GPC5: variants seen among roughly 807,000 people sequenced by gnomAD.
GPC5 encodes glypican 5.
A neutral mutation model predicts 53.9 loss-of-function variants in GPC5; 47 were observed. The observed-to-expected ratio is 0.87, with a 90% CI of 0.69 to 1.11. The LOEUF (loss-of-function observed/expected upper bound fraction) is 1.11, where lower values mean the gene tolerates loss of function less well. Ranked by LOEUF, GPC5 falls within the 50% of genes most tolerant of loss-of-function variation. GPC5 has a pLI of 0.00. For synonymous variants in GPC5, 286 were observed against 263.3 expected (o/e 1.09, Z -0.84); for missense variants, 748 against 713.1 (o/e 1.05, Z -0.56).
At position 91,950,269 on chromosome 13, in the gene GPC5, T is replaced by TG. The variant is rs1396706258; in HGVS notation, c.1401+42212_1401+42213insG. Among the ~76,000 whole-genome samples the TG allele has an allele frequency of 2.8e-5, 4 of 144,012 alleles. No individual in the cohort carries two copies. The South Asian group carries it at 8.5e-4, about 31-fold the overall frequency. 94.5% of individuals were successfully genotyped at this position (144,012 alleles called of 152,430 possible). On this transcript the variant is annotated intron_variant, in intron 6 of 7. Transcript: ENST00000377067. The stretch of plus-strand genomic sequence containing the variant: ...TGAATTTTACTAAAACTGCCAAGTT[T>TG]TTTTTTTTTTTTTTTTCATGAATTA...
At chr13:91,486,039 C>G (rs1438847383) in intron 2 of GPC5, 1 of 152,220 alleles carries the variant, frequency 6.6e-6, no homozygotes, top group African/African-American at 2.4e-5. Context: ...TGCCTGCCAC[C>G]TGGCTCAGGC....
chr13:91,727,881 A>C (rs1753081848), intron 3 of GPC5, among the ~76,000 whole-genome samples: 1 of 152,182 alleles, frequency 6.6e-6, no homozygotes. Context: ...TTTTTCAATG[A>C]TAATTATGTA....
chr13:91,907,948 G>C lies in GPC5; in HGVS notation c.1292G>C (p.Arg431Pro), dbSNP rs767223885. Residue 431 changes from arginine (R) to proline (P), a missense_variant, in exon 6 of 8, where the codon CGT becomes CCT. By Grantham distance (103) the Arg-to-Pro change is moderately radical. Transcript: ENST00000377067. ...GEDIVKSYTQ[R>P]VVGNGIKAQS... ...ATTTCCCTTGCTAGTTATACTCAGC[G>C]TGTGGTTGGAAATGGAATCAAAGCC... is the stretch of plus-strand genomic sequence containing the variant. The C allele has an allele frequency of 3.8e-6, 6 of 1,594,968 alleles. No individual in the cohort carries two copies. Among genetic ancestry groups the C allele is most frequent in the Admixed American group, 1.7e-5 (1 of 59,832 alleles).
chr13:91,972,607 G>A lies in GPC5; in HGVS notation c.1401+64550G>A, dbSNP rs554648987. ...CATGTTTTTGCAGTGGCTGGTACCG[G>A]TTGTTCCTTTCCATGTTTAGTGCTT... On this transcript the variant is annotated intron_variant, in intron 6 of 7. Coordinates refer to ENST00000377067, the MANE Select transcript of GPC5 (RefSeq NM_004466.6). 2.1e-3 allele frequency among the ~76,000 whole-genome samples: 323 copies of A among 152,222 alleles called. 2 individuals carry two copies. The highest frequency in any genetic ancestry group is 0.012 in the South Asian group (58 of 4,820).
intron 5 of GPC5, among the ~76,000 whole-genome samples, chr13:91,884,297 T>C (rs117165556): frequency 0.016 from 2,493 of 152,256 alleles, 33 homozygotes; most frequent in Non-Finnish European, 0.027. Context: ...GAAACATGCA[T>C]GCCTATGTTT....
At chr13:91,864,421 G>A (rs2039062539) in intron 5 of GPC5, among the ~76,000 whole-genome samples, 1 of 152,050 alleles carries the variant, frequency 6.6e-6, no homozygotes, top group Non-Finnish European at 1.5e-5. Context: ...AATCATTATT[G>A]TTTTTAAACG....
intron 7 of GPC5, among the ~76,000 whole-genome samples, chr13:92,226,669 G>A (rs1049999574): frequency 9.4e-5 from 14 of 149,326 alleles, no homozygotes; most frequent in Admixed American, 2.0e-4. Context: ...CACTGATCTC[G>A]GTCACTGCCA....
chr13:91,465,419 T>G (rs1361260867), intron 2 of GPC5, among the ~76,000 whole-genome samples: 1 of 152,180 alleles, frequency 6.6e-6, no homozygotes, highest in Non-Finnish European at 1.5e-5. Flanking sequence ...TCATACATCA[T>G]GTAGCCTTCT....
intron 2 of GPC5, among the ~76,000 whole-genome samples, chr13:91,630,644 T>C (rs1029479995): frequency 2.6e-5 from 4 of 152,152 alleles, no homozygotes; most frequent in Non-Finnish European, 5.9e-5. Context: ...AAAGAGGGCC[T>C]GTCCCCAAAT....
At chr13:91,754,291 A>G (rs1314249411) in intron 4 of GPC5, among the ~76,000 whole-genome samples, 1 of 152,126 alleles carries the variant, frequency 6.6e-6, no homozygotes, top group Non-Finnish European at 1.5e-5. Flanking sequence ...AGTGACTGTC[A>G]TTGAGAATGG....
chr13:92,822,124 CAAAT>C (rs1358730601), intron 7 of GPC5, among the ~76,000 whole-genome samples: 4 of 151,960 alleles, frequency 2.6e-5, no homozygotes, highest in Non-Finnish European at 5.9e-5. Context: ...TTAATTACCT[CAAAT>C]AATTATTACA....
At chr13:91,533,647 A>G (rs901863922) in intron 2 of GPC5, among the ~76,000 whole-genome samples, 2 of 152,238 alleles carry the variant, frequency 1.3e-5, no homozygotes, top group Non-Finnish European at 2.9e-5. Context: ...GGAGCATTAA[A>G]AAAGGGTGCT....
intron 7 of GPC5, among the ~76,000 whole-genome samples, chr13:92,445,704 C>T (rs918292944): frequency 7.9e-5 from 12 of 151,744 alleles, no homozygotes. Context: ...TTTTCTTAAT[C>T]CAGTCTATCA....
chr13:91,521,967 A>G (rs1885840074), intron 2 of GPC5, among the ~76,000 whole-genome samples: 1 of 152,248 alleles, frequency 6.6e-6, no homozygotes, highest in South Asian at 2.1e-4. Context: ...ATGTCTGTCT[A>G]CCAGTTTATT....
At chr13:92,304,350 G>GC (rs775719696) in intron 7 of GPC5, among the ~76,000 whole-genome samples, 6 of 151,838 alleles carry the variant, frequency 4.0e-5, no homozygotes, top group Admixed American at 6.6e-5. Context: ...GACTATAGGC[G>GC]CCTGCCACCA....
chr13:91,727,871 T>G (rs1026992583), intron 3 of GPC5, among the ~76,000 whole-genome samples: 5 of 152,186 alleles, frequency 3.3e-5, no homozygotes, highest in South Asian at 2.1e-4. Flanking sequence ...ATTACTTAAT[T>G]TTTTCAATGA....
intron 7 of GPC5, among the ~76,000 whole-genome samples, chr13:92,365,694 TA>T (rs1035670628): frequency 4.6e-5 from 7 of 151,120 alleles, no homozygotes; most frequent in African/African-American, 1.7e-4. Flanking sequence ...AATTTTTTGT[TA>T]AAAATCTAAG....
intron 6 of GPC5, among the ~76,000 whole-genome samples, chr13:91,943,407 A>C (rs2039946356): frequency 6.6e-6 from 1 of 151,906 alleles, no homozygotes; most frequent in South Asian, 2.1e-4. Flanking sequence ...CAGTGTGATC[A>C]CATGGTTATG....
intron 2 of GPC5, among the ~76,000 whole-genome samples, chr13:91,459,666 A>G (rs1380746850): frequency 3.9e-5 from 6 of 152,116 alleles, no homozygotes; most frequent in Non-Finnish European, 8.8e-5. Context: ...TTCTCAAAGA[A>G]AGGAGGAAAT....
Sources: gnomAD v4.1 joint callset for allele counts (sites outside exome capture counted in the v4.1 genomes callset) on GRCh38, gnomAD v4.1.1 for gene constraint, MANE v1.5 for transcripts, NCBI Gene and HGNC (gene_info 2026-07-23, HGNC 2026-07-21) for gene names.